CCDC82: variants seen among roughly 807,000 people sequenced by gnomAD.
CCDC82 encodes coiled-coil domain containing 82.
A neutral mutation model predicts 60.6 loss-of-function variants in CCDC82; 47 were observed. The ratio of observed to expected loss-of-function variants is 0.77; its 90% confidence interval spans 0.61 to 0.99. The LOEUF is 0.99. Ranked by LOEUF, CCDC82 falls within the 50% of genes least tolerant of loss-of-function variation. The probability of loss-of-function intolerance (pLI) is 0.00; values close to 1 mark genes in which losing one functional copy is unlikely to be tolerated. For synonymous variants in CCDC82, 212 were observed against 207.4 expected, an observed-to-expected ratio of 1.02 and a Z score of -0.19; for missense variants, 588 against 633.0, an observed-to-expected ratio of 0.93 and a Z score of 0.76.
intron 7 of CCDC82, among the ~76,000 whole-genome samples, chr11:96,368,118 C>A (rs1865049542): frequency 6.6e-6 from 1 of 152,026 alleles, no homozygotes; most frequent in Non-Finnish European, 1.5e-5. Flanking sequence ...CCACACCTGG[C>A]CTGGAATTTA....
chr11:96,378,150 G>A (rs1433968923), intron 5 of CCDC82, among the ~76,000 whole-genome samples: 4 of 151,632 alleles, frequency 2.6e-5, no homozygotes, highest in Admixed American at 2.0e-4. Context: ...ACTATCTCCT[G>A]TCATTCATGA....
chr11:96,379,028 A>G (rs1308279690), intron 5 of CCDC82, among the ~76,000 whole-genome samples: 2 of 152,002 alleles, frequency 1.3e-5, no homozygotes, highest in Non-Finnish European at 2.9e-5. Context: ...TTGTCAACTG[A>G]AATACTGAAT....
In CCDC82 at chr11:96,353,567, T is replaced by C. The variant is rs1245525360; in HGVS notation, c.*79A>G. On this transcript the variant is annotated 3_prime_UTR_variant, in exon 10 of 10. Transcript: ENST00000646818. ...AAGATATAGATAAAATGTACAAACATGTCACATGATACAGAAAAACAAGAA... is the reference window on the plus strand; with the variant it reads ...AAGATATAGATAAAATGTACAAACACGTCACATGATACAGAAAAACAAGAA... 3 of 1,070,530 alleles carry C rather than the reference T, an allele frequency of 2.8e-6. No homozygotes were observed. Among genetic ancestry groups the C allele is most frequent in the Non-Finnish European group, 4.3e-6 (3 of 699,216 alleles). The allele number at this position is 1,070,530 out of a possible 1,614,324, so 66.3% of individuals were successfully genotyped here. A position where few individuals can be genotyped will look rare whatever the true frequency, so the allele number is the denominator to read the frequency against.
Position 96,353,522 on chromosome 11 carries a change from A to C in CCDC82, c.*124T>G. 1 of 758,190 alleles carries C rather than the reference A, an allele frequency of 1.3e-6. No homozygotes were observed. The highest frequency in any genetic ancestry group is 2.4e-5 in the Admixed American group (1 of 40,948). 47.0% of individuals were successfully genotyped at this position (758,190 alleles called of 1,614,324 possible). ...ACAGGAATTAAGATAATCATGTTTT[A>C]AACAAAATATTTTGCCATGAAGATA... On this transcript the variant is annotated 3_prime_UTR_variant, in exon 10 of 10. Coordinates refer to ENST00000646818, the MANE Select transcript of CCDC82 (RefSeq NM_024725.4).
chr11:96,388,967 A>C (rs1429712956), intron 1 of CCDC82: 1 of 152,256 alleles, frequency 6.6e-6, no homozygotes, highest in African/African-American at 2.4e-5. Context: ...CAAGGAGCTC[A>C]CAATCTGATG....
chr11:96,385,343 TA>T (rs1213434845), intron 3 of CCDC82: 4 of 152,242 alleles, frequency 2.6e-5, no homozygotes, highest in African/African-American at 9.7e-5. Context: ...TTAAAATGTA[TA>T]AAAAAGAGTT....
In CCDC82 at chr11:96,358,136, C is replaced by T. The variant is rs78073843; in HGVS notation, c.1566+857G>A. The T allele has an allele frequency of 2.6e-3, 2,562 of 986,366 alleles. 43 individuals carry two copies. The African/African-American group carries it at 0.041, about 16-fold the overall frequency. The allele number at this position is 986,366 out of a possible 1,614,324, so 61.1% of individuals were successfully genotyped here. On this transcript the variant is annotated intron_variant, in intron 9 of 9. Transcript: ENST00000646818. The stretch of plus-strand genomic sequence containing the variant: ...TTATATTCCTCTTTTACAAATTTCC[C>T]TATGATATAGTCCAGGCAATGGATC...
In CCDC82 at chr11:96,384,207, T is replaced by C. The variant is rs761854053; in HGVS notation, c.541A>G (p.Lys181Glu). The C allele has an allele frequency of 5.6e-6, 9 of 1,613,800 alleles. No individual in the cohort carries two copies. The highest frequency in any genetic ancestry group is 6.8e-6 in the Non-Finnish European group (8 of 1,179,900). Residue 181 changes from lysine (K) to glutamate (E), a missense_variant, in exon 4 of 10, where the codon AAA becomes GAA. Coordinates refer to ENST00000646818, the MANE Select transcript of CCDC82 (RefSeq NM_024725.4). The stretch of plus-strand genomic sequence containing the variant: ...ATCACAGAGGATAGCCTTTTTCTTT[T>C]TCCTCGCTTGATGTCTTCTTCTTCT... ...DLEEEDIKRG[K>E]RKRLSSVMCD...
At chr11:96,379,659 C>A (rs1274501217) in intron 5 of CCDC82, among the ~76,000 whole-genome samples, 1 of 151,796 alleles carries the variant, frequency 6.6e-6, no homozygotes, top group Non-Finnish European at 1.5e-5. Context: ...ATGGCCAATG[C>A]ATAAAATTAC....
rs758162852 is a variant in CCDC82 at position 96,359,034 on chromosome 11, T to C, written c.1525A>G (p.Arg509Gly). ...TTTTCTTTTGACCGCCTGAAAATTC[T>C]TTCCACTGTTTCTTTAACTTGTTCA... Reference protein sequence around the residue: ...EDEQVKETVERIFRRSKENGW... With the variant: ...EDEQVKETVEGIFRRSKENGW... Residue 509 changes from arginine (R) to glycine (G), a missense_variant, in exon 9 of 10, where the codon AGA (arginine) becomes GGA (glycine). Transcript: ENST00000646818. 1 of 1,610,494 alleles carries C rather than the reference T, an allele frequency of 6.2e-7. No individual in the cohort carries two copies. Among genetic ancestry groups the C allele is most frequent in the Non-Finnish European group, 8.5e-7 (1 of 1,179,044 alleles).
At chr11:96,364,861 G>T in intron 8 of CCDC82, 119 bp downstream of exon 8, 2 of 837,056 alleles carry the variant, frequency 2.4e-6, no homozygotes, top group Non-Finnish European at 1.8e-6. Context: ...TTGCCAATTT[G>T]GTGGATTATA....
intron 5 of CCDC82, among the ~76,000 whole-genome samples, chr11:96,376,400 A>AT (rs11325062): frequency 2.0e-5 from 3 of 149,320 alleles, no homozygotes; most frequent in Non-Finnish European, 4.4e-5. Flanking sequence ...AGTAAAGTGT[A>AT]TTTTTTTTAA....
At chr11:96,366,627 G>A (rs376107722) in intron 7 of CCDC82, among the ~76,000 whole-genome samples, 3 of 152,268 alleles carry the variant, frequency 2.0e-5, no homozygotes, top group South Asian at 2.1e-4. Flanking sequence ...ACAGTGGCGC[G>A]TGCCTGTAGC....
chr11:96,362,958 TTTTTC>T (rs1307924599), intron 8 of CCDC82, among the ~76,000 whole-genome samples: 3 of 151,942 alleles, frequency 2.0e-5, no homozygotes, highest in Non-Finnish European at 4.4e-5. Flanking sequence ...GCACAATTTC[TTTTTC>T]TTTTCTTTTT....
intron 6 of CCDC82, among the ~76,000 whole-genome samples, chr11:96,371,474 C>T (rs7928241): frequency 0.096 from 14,549 of 152,020 alleles, 888 homozygotes; most frequent in African/African-American, 0.17. Context: ...CCCAGCTACT[C>T]GGGAGGCTGA....
chr11:96,380,878 C>T (rs1865841682), intron 5 of CCDC82: 1 of 151,492 alleles, frequency 6.6e-6, no homozygotes, highest in East Asian at 1.9e-4. Flanking sequence ...AATGAAACTA[C>T]TCTGTATGAT....
intron 9 of CCDC82, chr11:96,356,872 A>G: frequency 2.0e-6 from 2 of 985,386 alleles, no homozygotes; most frequent in Non-Finnish European, 2.4e-6. Flanking sequence ...CTGAAGAAGC[A>G]GGTAAGGGAA....
intron 4 of CCDC82, among the ~76,000 whole-genome samples, chr11:96,383,754 T>C (rs1866008663): frequency 6.6e-6 from 1 of 151,942 alleles, no homozygotes; most frequent in Non-Finnish European, 1.5e-5. Flanking sequence ...AAATAGTCTT[T>C]CAATTTTAAA....
At position 96,358,988 on chromosome 11, in the gene CCDC82, C is replaced by T. The variant is rs766622104; in HGVS notation, c.1566+5G>A. Reference sequence around the variant, plus strand: ...CATGATAAGATTCTCATATATTCACCTTACCTCCTTAATCCAGCCATTTTC... The same window carrying T: ...CATGATAAGATTCTCATATATTCACTTTACCTCCTTAATCCAGCCATTTTC... On this transcript the variant is annotated splice_donor_5th_base_variant and intron_variant, in intron 9 of 9. Transcript: ENST00000646818. 3.1e-6 allele frequency: 5 copies of T among 1,602,428 alleles called. No homozygotes were observed. Among genetic ancestry groups the T allele is most frequent in the Non-Finnish European group, 3.4e-6 (4 of 1,176,114 alleles).
Sources: gnomAD v4.1 joint callset for allele counts (sites outside exome capture counted in the v4.1 genomes callset) on GRCh38, gnomAD v4.1.1 for gene constraint, MANE v1.5 for transcripts, NCBI Gene and HGNC (gene_info 2026-07-23, HGNC 2026-07-21) for gene names.